OR2L13: variants seen among roughly 807,000 people sequenced by gnomAD.
OR2L13 encodes olfactory receptor 2L13.
In OR2L13, 14 loss-of-function variants were observed where a neutral mutation model predicts 15.3. The observed-to-expected ratio is 0.91, with a 90% CI of 0.60 to 1.43. The LOEUF (loss-of-function observed/expected upper bound fraction) is 1.43. Among genes scored for constraint, OR2L13 ranks in the 40% most tolerant of loss-of-function variants. OR2L13 has a pLI of 0.00. For synonymous variants in OR2L13, 152 were observed against 142.9 expected (o/e 1.06, Z -0.45); for missense variants, 367 against 387.9 (o/e 0.95, Z 0.45).
chr1:247,957,756 G>T, the OR2L13 span, among the ~76,000 whole-genome samples: 32 of 152,232 alleles, frequency 2.1e-4, no homozygotes, highest in Admixed American at 5.2e-4. Context: ...TTCTCTGATG[G>T]TAGTTTGTAT....
At chr1:247,987,448 A>C in the OR2L13 span, among the ~76,000 whole-genome samples, 1 of 152,098 alleles carries the variant, frequency 6.6e-6, no homozygotes, top group Non-Finnish European at 1.5e-5. Flanking sequence ...CTTGTTCCAA[A>C]TCCTAGAGTA....
chr1:248,047,509 A>G, the OR2L13 span, among the ~76,000 whole-genome samples: 9 of 152,220 alleles, frequency 5.9e-5, no homozygotes, highest in Admixed American at 2.0e-4. Flanking sequence ...CTGGAAATCA[A>G]TAATGAAGGT....
the OR2L13 span, among the ~76,000 whole-genome samples, chr1:248,070,394 G>A: frequency 6.6e-6 from 1 of 152,074 alleles, no homozygotes; most frequent in African/African-American, 2.4e-5. Flanking sequence ...ATAACGAAAT[G>A]AAGGCAGAAA....
At chr1:247,950,056 A>T in the OR2L13 span, among the ~76,000 whole-genome samples, 3 of 150,250 alleles carry the variant, frequency 2.0e-5, no homozygotes, top group Admixed American at 2.0e-4. Flanking sequence ...TTTTTTGGTC[A>T]TGCAGAAATG....
the OR2L13 span, among the ~76,000 whole-genome samples, chr1:248,073,546 C>T: frequency 3.3e-5 from 5 of 151,890 alleles, no homozygotes; most frequent in African/African-American, 9.7e-5. Context: ...TTAATGGGTG[C>T]AGCACACCAG....
At chr1:248,074,542 T>A in the OR2L13 span, among the ~76,000 whole-genome samples, 105,308 of 152,086 alleles carry the variant, frequency 0.69, 41,569 homozygotes, top group South Asian at 0.9. Context: ...AGCATTTCTA[T>A]ACACCAACAA....
chr1:247,969,441 A>G, the OR2L13 span, among the ~76,000 whole-genome samples: 2 of 152,162 alleles, frequency 1.3e-5, no homozygotes, highest in African/African-American at 4.8e-5. Context: ...TTTATAACAC[A>G]CGTTCCCCTA....
the OR2L13 span, among the ~76,000 whole-genome samples, chr1:248,018,650 C>T: frequency 6.6e-6 from 1 of 152,086 alleles, no homozygotes; most frequent in African/African-American, 2.4e-5. Flanking sequence ...AGTAAATATA[C>T]TTAAGATAAA....
chr1:248,065,349 G>C, the OR2L13 span, among the ~76,000 whole-genome samples: 4 of 151,850 alleles, frequency 2.6e-5, no homozygotes, highest in Non-Finnish European at 4.4e-5. Context: ...TATTAAATTA[G>C]CAAAGTTTGA....
chr1:248,057,500 C>G, the OR2L13 span, among the ~76,000 whole-genome samples: 10 of 152,096 alleles, frequency 6.6e-5, no homozygotes, highest in African/African-American at 2.4e-4. Flanking sequence ...AAATTTTTCT[C>G]TATTCCTTTA....
At chr1:248,003,573 G>C in the OR2L13 span, 5 of 1,612,472 alleles carry the variant, frequency 3.1e-6, no homozygotes, top group Non-Finnish European at 2.5e-6. Flanking sequence ...ACAGGATCTT[G>C]GATCATAGGC....
chr1:248,093,029 A>T (rs1664635914), upstream of OR2L13, among the ~76,000 whole-genome samples: 1 of 152,168 alleles, frequency 6.6e-6, no homozygotes, highest in Non-Finnish European at 1.5e-5. Context: ...GGGTTTAGGC[A>T]GGAGCACGGT....
At chr1:247,978,704 G>A in the OR2L13 span, among the ~76,000 whole-genome samples, 3 of 152,152 alleles carry the variant, frequency 2.0e-5, no homozygotes, top group Non-Finnish European at 2.9e-5. Context: ...AGTGTGAAAT[G>A]TTCAATTCCC....
the OR2L13 span, among the ~76,000 whole-genome samples, chr1:247,967,833 TCTC>T: frequency 4.4e-4 from 66 of 151,156 alleles, no homozygotes; most frequent in Non-Finnish European, 8.0e-4. Context: ...AGTTGTAAGT[TCTC>T]CTCCTCTTCC....
the OR2L13 span, among the ~76,000 whole-genome samples, chr1:247,954,475 T>A: frequency 6.6e-6 from 1 of 152,184 alleles, no homozygotes; most frequent in Non-Finnish European, 1.5e-5. Flanking sequence ...CTGCTAAATA[T>A]TTTAAAATAC....
At chr1:247,952,661 A>AT in the OR2L13 span, among the ~76,000 whole-genome samples, 5 of 151,972 alleles carry the variant, frequency 3.3e-5, no homozygotes, top group African/African-American at 9.7e-5. Context: ...AGTTTAAGAT[A>AT]TTTTTTCATA....
At chr1:247,985,477 T>C in the OR2L13 span, among the ~76,000 whole-genome samples, 2 of 152,348 alleles carry the variant, frequency 1.3e-5, no homozygotes, top group East Asian at 3.9e-4. Context: ...CCATGGTGTA[T>C]ATGTGCCACA....
the OR2L13 span, among the ~76,000 whole-genome samples, chr1:248,017,078 A>G: frequency 6.6e-6 from 1 of 152,180 alleles, no homozygotes; most frequent in African/African-American, 2.4e-5. Flanking sequence ...CTGTGAAACT[A>G]TCATCGGAAT....
the OR2L13 span, among the ~76,000 whole-genome samples, chr1:247,946,760 C>G: frequency 6.6e-6 from 1 of 152,148 alleles, no homozygotes; most frequent in African/African-American, 2.4e-5. Context: ...GGTTCCTTAC[C>G]CTTCTCCCAT....
Sources: allele counts gnomAD v4.1 joint callset (sites outside exome capture counted in the v4.1 genomes callset), GRCh38; gene constraint gnomAD v4.1.1; transcripts MANE v1.5; gene names NCBI Gene and HGNC (gene_info 2026-07-23, HGNC 2026-07-21).